The following CA8 variants were observed in gnomAD, a reference collection of about 807,000 sequenced individuals.
The protein encoded by CA8 is carbonic anhydrase 8 (inactive).
A neutral mutation model predicts 41.4 loss-of-function variants in CA8; 22 were observed. The ratio of observed to expected loss-of-function variants is 0.53; its 90% confidence interval spans 0.38 to 0.76. The LOEUF (loss-of-function observed/expected upper bound fraction) is 0.76, where lower values mean the gene tolerates loss of function less well. Ranked by LOEUF, CA8 falls within the 30% of genes least tolerant of loss-of-function variation. CA8 has a pLI of 0.00. For missense variants in CA8, 270 were observed against 352.8 expected, an observed-to-expected ratio of 0.77 and a Z score of 1.88; for synonymous variants, 121 against 130.6, an observed-to-expected ratio of 0.93 and a Z score of 0.50.
At chr8:60,220,500 T>C (rs1807206501) in intron 7 of CA8, among the ~76,000 whole-genome samples, 1 of 152,142 alleles carries the variant, frequency 6.6e-6, no homozygotes, top group South Asian at 2.1e-4. Flanking sequence ...GATGCTTGGG[T>C]TGGCAGCACT....
chr8:60,237,164 G>A lies in CA8; in HGVS notation c.418-4785C>T, dbSNP rs895075076. Among the ~76,000 whole-genome samples, 8 of 152,138 alleles carry A rather than the reference G, an allele frequency of 5.3e-5. No homozygotes were observed. The South Asian group carries it at 1.7e-3, about 32-fold the overall frequency. On this transcript the variant is annotated intron_variant, in intron 3 of 8. Transcript: ENST00000317995. ...GCTAGGAATCTCGTCTTAGATTCTT[G>A]TTTCAGTCCTACAACTCTTTAGCTC...
intron 7 of CA8, among the ~76,000 whole-genome samples, chr8:60,214,619 T>C (rs906143130): frequency 6.6e-6 from 1 of 152,132 alleles, no homozygotes; most frequent in African/African-American, 2.4e-5. Context: ...TGAGAAAGAC[T>C]TGCTGCTTCA....
At chr8:60,255,482 C>T (rs1808602336) in intron 3 of CA8, among the ~76,000 whole-genome samples, 1 of 152,160 alleles carries the variant, frequency 6.6e-6, no homozygotes. Context: ...AAGGAATATT[C>T]CTGGAAAATG....
chr8:60,277,417 A>G (rs903150986), intron 2 of CA8, among the ~76,000 whole-genome samples: 2 of 151,886 alleles, frequency 1.3e-5, no homozygotes, highest in African/African-American at 4.8e-5. Flanking sequence ...GCAATGGCGC[A>G]ATCTCGGCTC....
In CA8 at chr8:60,281,098, T is replaced by G; in HGVS notation, c.50A>C (p.Glu17Ala). The change falls in exon 1 of 9, where the codon GAA becomes GCA. Residue 17 changes from glutamate (E) to alanine (A), a missense_variant. This residue lies in a region of CA8 where 123 missense variants were observed against 136.8 expected (regional missense o/e 0.90). Transcript: ENST00000317995. ...CTCCTCTTCTTCCTCCTCATCCTCT[T>G]CCTTCTCGGGGAAGGCGACGGTATC... The part of the protein sequence containing the change: ...IEDTVAFPEK[E>A]EDEEEEEEGV... 1.9e-6 allele frequency: 3 copies of G among 1,607,828 alleles called. No homozygotes were observed. The highest frequency in any genetic ancestry group is 2.5e-6 in the Non-Finnish European group (3 of 1,178,230).
intron 8 of CA8, among the ~76,000 whole-genome samples, chr8:60,193,229 A>G (rs1308646423): frequency 6.6e-6 from 1 of 152,084 alleles, no homozygotes; most frequent in Non-Finnish European, 1.5e-5. Flanking sequence ...ATACCTACCC[A>G]TTGCCTAGCT....
At chr8:60,232,482 T>C (rs1807688284) in intron 3 of CA8, 103 bp from the exon 4 acceptor site, 1 of 827,426 alleles carries the variant, frequency 1.2e-6, no homozygotes, top group South Asian at 1.4e-5. Context: ...TGGTATCACA[T>C]ACCACAAGAG....
intron 2 of CA8, among the ~76,000 whole-genome samples, chr8:60,270,818 T>C (rs1804047072): frequency 6.6e-6 from 1 of 152,250 alleles, no homozygotes; most frequent in African/African-American, 2.4e-5. Context: ...TAGTATCATT[T>C]AGTTCTTTTT....
intron 3 of CA8, among the ~76,000 whole-genome samples, chr8:60,244,297 G>A (rs979347212): frequency 6.6e-6 from 1 of 152,078 alleles, no homozygotes; most frequent in Non-Finnish European, 1.5e-5. Flanking sequence ...CTGTCTCCAT[G>A]CCTCCAAAGC....
chr8:60,268,499 A>G (rs889510750), intron 2 of CA8, among the ~76,000 whole-genome samples: 86 of 152,314 alleles, frequency 5.6e-4, no homozygotes, highest in African/African-American at 2.0e-3. Flanking sequence ...CGCATGACCA[A>G]TGCTCAAAAC....
At chr8:60,259,341 A>G (rs1803656261) in intron 3 of CA8, among the ~76,000 whole-genome samples, 1 of 152,226 alleles carries the variant, frequency 6.6e-6, no homozygotes, top group Non-Finnish European at 1.5e-5. Flanking sequence ...TATTATAGGA[A>G]CTAATTTTCA....
intron 4 of CA8, among the ~76,000 whole-genome samples, chr8:60,228,717 A>G (rs1434082901): frequency 6.6e-6 from 1 of 152,246 alleles, no homozygotes; most frequent in Non-Finnish European, 1.5e-5. Context: ...GGCTTGGGTC[A>G]TCATAATTCA....
intron 3 of CA8, among the ~76,000 whole-genome samples, chr8:60,243,715 C>G (rs1282807076): frequency 6.6e-6 from 1 of 152,170 alleles, no homozygotes; most frequent in East Asian, 1.9e-4. Flanking sequence ...CTGCAGCAGC[C>G]GGTAGCCTTG....
chr8:60,191,321 T>A (rs932762493), intron 8 of CA8, among the ~76,000 whole-genome samples: 5 of 152,052 alleles, frequency 3.3e-5, no homozygotes, highest in Non-Finnish European at 7.4e-5. Context: ...GAAAGTGATA[T>A]GAAATTGATT....
At chr8:60,256,321 C>T (rs1478171492) in intron 3 of CA8, among the ~76,000 whole-genome samples, 2 of 152,146 alleles carry the variant, frequency 1.3e-5, no homozygotes, top group Non-Finnish European at 2.9e-5. Context: ...AAACAAATGT[C>T]ATTGTGAACT....
intron 8 of CA8, among the ~76,000 whole-genome samples, chr8:60,205,856 A>G (rs1263286647): frequency 3.3e-5 from 5 of 152,218 alleles, no homozygotes; most frequent in African/African-American, 1.2e-4. Context: ...TTTTTAGAGA[A>G]CAACTACCAG....
chr8:60,257,316 A>G (rs919215022), intron 3 of CA8, among the ~76,000 whole-genome samples: 1 of 152,170 alleles, frequency 6.6e-6, no homozygotes, highest in East Asian at 1.9e-4. Context: ...ATGTTTTGAC[A>G]AGATTTTTAT....
intron 3 of CA8, among the ~76,000 whole-genome samples, chr8:60,260,468 C>T (rs924425465): frequency 1.3e-5 from 2 of 152,222 alleles, no homozygotes; most frequent in African/African-American, 2.4e-5. Context: ...GACATCAAAA[C>T]TCCTTATATC....
intron 3 of CA8, among the ~76,000 whole-genome samples, chr8:60,258,848 G>A (rs1803641953): frequency 6.6e-6 from 1 of 152,184 alleles, no homozygotes; most frequent in African/African-American, 2.4e-5. Flanking sequence ...GGCGGACTCA[G>A]GAGGTAATGC....
Sources: allele counts gnomAD v4.1 joint callset (sites outside exome capture counted in the v4.1 genomes callset), GRCh38; gene constraint gnomAD v4.1.1; regional missense constraint gnomAD v4.1.1; transcripts MANE v1.5; gene names NCBI Gene and HGNC (gene_info 2026-07-23, HGNC 2026-07-21).